Variants in AFF3 observed in about 807,000 individuals in gnomAD.
AFF3 encodes the protein AF4/FMR2 family member 3.
AFF3 carries 32 observed loss-of-function variants against 129.7 expected under a neutral mutation model. The ratio of observed to expected loss-of-function variants is 0.25; its 90% confidence interval spans 0.19 to 0.33. The LOEUF is 0.33. Ranked by LOEUF, AFF3 falls within the 10% of genes least tolerant of loss-of-function variation. AFF3 has a pLI of 1.00. For missense variants in AFF3, 1,373 were observed against 1,592.0 expected (o/e 0.86, Z 2.34); for synonymous variants, 644 against 635.4 (o/e 1.01, Z -0.20).
At chr2:99,757,998 AT>A (rs940056237) in intron 8 of AFF3, among the ~76,000 whole-genome samples, 2 of 152,070 alleles carry the variant, frequency 1.3e-5, no homozygotes, top group Non-Finnish European at 2.9e-5. Context: ...AAGGCTGTGT[AT>A]TTTTTGTCTG....
rs570248324 is a variant in AFF3 at position 100,021,181 on chromosome 2, C to T, written c.54-12249G>A. 2.5e-4 allele frequency among the ~76,000 whole-genome samples: 38 copies of T among 152,274 alleles called. No individual in the cohort carries two copies. In the East Asian group the frequency reaches 4.3e-3, roughly 17 times the overall value. The stretch of plus-strand genomic sequence containing the variant: ...CGTACGTAGAACCCTCCACTCTCCC[C>T]GATAATGGCACTTCTTATGCTAATT... On this transcript the variant is annotated intron_variant, in intron 4 of 24. Coordinates refer to ENST00000672756, the MANE Select transcript of AFF3 (RefSeq NM_001386135.1).
intron 7 of AFF3, among the ~76,000 whole-genome samples, chr2:99,980,821 T>C (rs1011568835): frequency 6.6e-6 from 1 of 152,204 alleles, no homozygotes; most frequent in African/African-American, 2.4e-5. Context: ...TAATTCAGGT[T>C]CACTGTAACA....
chr2:99,942,318 A>C (rs1014078999), intron 7 of AFF3, among the ~76,000 whole-genome samples: 1 of 152,154 alleles, frequency 6.6e-6, no homozygotes, highest in African/African-American at 2.4e-5. Flanking sequence ...GGCAGTCTCC[A>C]AGGGCTACGT....
intron 9 of AFF3, among the ~76,000 whole-genome samples, chr2:99,746,433 CGGTGGGCAGA>C (rs1681163889): frequency 6.6e-6 from 1 of 152,054 alleles, no homozygotes; most frequent in African/African-American, 2.4e-5. Flanking sequence ...ATGAGCCAGT[CGGTGGGCAGA>C]GGTTGGGTAG....
chr2:99,985,585 C>A (rs1427935548), intron 7 of AFF3, among the ~76,000 whole-genome samples: 2 of 152,140 alleles, frequency 1.3e-5, no homozygotes, highest in African/African-American at 4.8e-5. Flanking sequence ...CACCCCACTA[C>A]CATGAGAAAG....
chr2:99,861,465 G>A (rs1382769933), intron 7 of AFF3, among the ~76,000 whole-genome samples: 1 of 152,146 alleles, frequency 6.6e-6, no homozygotes, highest in East Asian at 1.9e-4. Flanking sequence ...ACACAGACCT[G>A]TGTATAAGAT....
intron 15 of AFF3, among the ~76,000 whole-genome samples, chr2:99,589,373 C>A (rs1262457859): frequency 6.8e-6 from 1 of 147,766 alleles, no homozygotes; most frequent in Non-Finnish European, 1.5e-5. Context: ...GTGAATCTGA[C>A]AACACCCCTG....
intron 8 of AFF3, among the ~76,000 whole-genome samples, chr2:99,819,816 C>T (rs750874703): frequency 1.3e-4 from 20 of 152,160 alleles, no homozygotes; most frequent in Admixed American, 2.0e-4. Flanking sequence ...TCAGGGGAGC[C>T]GGAGCTTCTG....
chr2:99,699,899 C>G (rs568778428), intron 11 of AFF3, among the ~76,000 whole-genome samples: 1 of 152,354 alleles, frequency 6.6e-6, no homozygotes, highest in African/African-American at 2.4e-5. Context: ...TCTGTGGTGT[C>G]TATGGGCTTC....
intron 7 of AFF3, among the ~76,000 whole-genome samples, chr2:99,880,595 T>C (rs189400978): frequency 1.4e-3 from 208 of 152,270 alleles, no homozygotes; most frequent in Non-Finnish European, 2.7e-3. Context: ...CTGGCCTGCA[T>C]GTCATCTGGC....
At chr2:99,997,756 G>A (rs1218538385) in intron 7 of AFF3, among the ~76,000 whole-genome samples, 1 of 152,036 alleles carries the variant, frequency 6.6e-6, no homozygotes, top group African/African-American at 2.4e-5. Flanking sequence ...TATCCCAGGC[G>A]AGGAGGCACA....
intron 8 of AFF3, among the ~76,000 whole-genome samples, chr2:99,791,424 T>C (rs1685178982): frequency 6.6e-6 from 1 of 152,234 alleles, no homozygotes; most frequent in African/African-American, 2.4e-5. Flanking sequence ...TTTATTGCAC[T>C]GTTCGGGGAA....
rs551658918 is a variant in AFF3, at chr2:100,105,562, G to T, written c.-123C>A. The T allele has an allele frequency of 1.3e-4, 176 of 1,332,644 alleles. 2 individuals are homozygous for T. In the East Asian group the frequency reaches 6.7e-3, roughly 51 times the overall value. 82.6% of individuals were successfully genotyped at this position (1,332,644 alleles called of 1,614,324 possible). ...ACTTCAAACTTGCCGCCCGTCTCCGGTCTGGAAAGGCAGGTGATCAGCTAG... is the reference window on the plus strand; with the variant it reads ...ACTTCAAACTTGCCGCCCGTCTCCGTTCTGGAAAGGCAGGTGATCAGCTAG... On this transcript the variant is annotated 5_prime_UTR_variant, in exon 3 of 25. Transcript: ENST00000672756.
chr2:99,891,570 C>T (rs1312194765), intron 7 of AFF3, among the ~76,000 whole-genome samples: 1 of 152,270 alleles, frequency 6.6e-6, no homozygotes, highest in East Asian at 1.9e-4. Flanking sequence ...GCTGCAGGTG[C>T]GGGCAGGCGG....
At chr2:99,920,251 A>G (rs974657437) in intron 7 of AFF3, among the ~76,000 whole-genome samples, 10 of 152,100 alleles carry the variant, frequency 6.6e-5, no homozygotes, top group African/African-American at 1.9e-4. Context: ...CAAAGACATT[A>G]TAAGAAAATT....
At chr2:99,769,687 C>T (rs1302773110) in intron 8 of AFF3, among the ~76,000 whole-genome samples, 1 of 152,184 alleles carries the variant, frequency 6.6e-6, no homozygotes, top group Admixed American at 6.5e-5. Context: ...GTGACTGACA[C>T]TGTATCTGCA....
chr2:99,624,897 C>A (rs1251335841), intron 13 of AFF3, among the ~76,000 whole-genome samples: 1 of 152,228 alleles, frequency 6.6e-6, no homozygotes, highest in Non-Finnish European at 1.5e-5. Context: ...CCAGATGCCT[C>A]CGACCTGCAT....
chr2:100,004,567 T>G (rs1681774072), intron 7 of AFF3, among the ~76,000 whole-genome samples: 1 of 152,160 alleles, frequency 6.6e-6, no homozygotes. Context: ...ATTACAGGAA[T>G]GAGCCACTGT....
chr2:99,842,909 A>G (rs1041004060), intron 7 of AFF3, among the ~76,000 whole-genome samples: 1 of 152,224 alleles, frequency 6.6e-6, no homozygotes, highest in African/African-American at 2.4e-5. Flanking sequence ...TTTTGAAAAT[A>G]GTTTAACTCT....
Sources: gnomAD v4.1 joint callset for allele counts (sites outside exome capture counted in the v4.1 genomes callset) on GRCh38, gnomAD v4.1.1 for gene constraint, MANE v1.5 for transcripts, NCBI Gene and HGNC (gene_info 2026-07-23, HGNC 2026-07-21) for gene names.